Variants in TMEM132B observed in about 807,000 individuals in gnomAD.
TMEM132B encodes transmembrane protein 132B.
A neutral mutation model predicts 90.8 loss-of-function variants in TMEM132B; 18 were observed. That is an observed-to-expected ratio of 0.20 (90% CI 0.14 to 0.29). The LOEUF is 0.29. TMEM132B is among the 10% of genes least tolerant of loss of function. The probability of loss-of-function intolerance (pLI) is 1.00; values close to 1 mark genes in which losing one functional copy is unlikely to be tolerated. For synonymous variants in TMEM132B, 504 were observed against 523.3 expected, an observed-to-expected ratio of 0.96 and a Z score of 0.50; for missense variants, 1,096 against 1,326.8, an observed-to-expected ratio of 0.83 and a Z score of 2.70.
In TMEM132B at chr12:125,616,024, G is replaced by A. The variant is rs543353469; in HGVS notation, c.1438-28052G>A. Among the ~76,000 whole-genome samples the A allele has an allele frequency of 1.0e-3, 154 of 152,096 alleles. 1 individual carries two copies. The highest frequency in any genetic ancestry group is 4.2e-3 in the South Asian group (20 of 4,814). On this transcript the variant is annotated intron_variant, in intron 5 of 8. Coordinates refer to ENST00000682704, the MANE Select transcript of TMEM132B (RefSeq NM_001366854.1). ...ACATATGTATACATGTGCCATGCTGGTGTGCTGCATCCATTAACTCGTCAT... is the reference window on the plus strand; with the variant it reads ...ACATATGTATACATGTGCCATGCTGATGTGCTGCATCCATTAACTCGTCAT...
chr12:125,246,109 C>CA lies in TMEM132B; in HGVS notation c.67+59243_67+59244insA. 6.6e-6 allele frequency among the ~76,000 whole-genome samples: 1 copy of CA among 152,352 alleles called. No individual in the cohort carries two copies. The highest frequency in any genetic ancestry group is 1.5e-5 in the Non-Finnish European group (1 of 68,034). ...TGATCTGGGCCCTGGCAGTGACTGGCGCTGCCTCTCCAGTGATCCAGTGAT... is the reference window on the plus strand; with the variant it reads ...TGATCTGGGCCCTGGCAGTGACTGGCAGCTGCCTCTCCAGTGATCCAGTGAT... On this transcript the variant is annotated intron_variant, in intron 1 of 8. Coordinates refer to ENST00000682704, the MANE Select transcript of TMEM132B (RefSeq NM_001366854.1). This position sits in a 1 kb window ranked among gnomAD's most constrained non-coding sequence, Gnocchi z 4.2.
At chr12:125,224,631 G>A (rs150239905) in intron 1 of TMEM132B, among the ~76,000 whole-genome samples, 16 of 152,316 alleles carry the variant, frequency 1.1e-4, no homozygotes, top group African/African-American at 3.8e-4. Context: ...CACTTCTGAG[G>A]GCAGCTGCTC....
intron 1 of TMEM132B, among the ~76,000 whole-genome samples, chr12:125,235,536 G>A (rs1453068642): frequency 1.3e-5 from 2 of 151,170 alleles, no homozygotes; most frequent in Admixed American, 6.6e-5. Context: ...CATTCACAAC[G>A]TTGTGCAACC....
chr12:125,357,259 T>C (rs1423383134), intron 2 of TMEM132B, among the ~76,000 whole-genome samples: 1 of 152,218 alleles, frequency 6.6e-6, no homozygotes, highest in African/African-American at 2.4e-5. Flanking sequence ...AGTTTCCTCC[T>C]ACCTGTAATG....
At chr12:125,381,001 C>G (rs914719777) in intron 2 of TMEM132B, among the ~76,000 whole-genome samples, 1 of 152,152 alleles carries the variant, frequency 6.6e-6, no homozygotes, top group East Asian at 1.9e-4. Context: ...TTGCTTCTGT[C>G]CTGGTCAGAT....
At chr12:125,556,276 C>T (rs969585946) in intron 4 of TMEM132B, among the ~76,000 whole-genome samples, 7 of 152,172 alleles carry the variant, frequency 4.6e-5, no homozygotes, top group African/African-American at 7.2e-5. Flanking sequence ...CTGACCTGAA[C>T]GTCACAAAGC....
chr12:125,289,800 C>T (rs1357923818), intron 1 of TMEM132B, among the ~76,000 whole-genome samples: 1 of 152,186 alleles, frequency 6.6e-6, no homozygotes, highest in African/African-American at 2.4e-5. Flanking sequence ...CAAGTGGCTC[C>T]AGGGTGCATG....
chr12:125,543,698 A>T (rs1464101429), intron 4 of TMEM132B, among the ~76,000 whole-genome samples: 1 of 152,234 alleles, frequency 6.6e-6, no homozygotes, highest in Non-Finnish European at 1.5e-5. Flanking sequence ...GATTATAAAC[A>T]TCAGATGCTG....
intron 5 of TMEM132B, among the ~76,000 whole-genome samples, chr12:125,629,112 G>A (rs553874619): frequency 4.6e-5 from 7 of 152,032 alleles, no homozygotes; most frequent in Non-Finnish European, 1.0e-4. Flanking sequence ...TCTTTGCTTA[G>A]GATAGCTTTG....
At chr12:125,574,325 C>G (rs557700452) in intron 4 of TMEM132B, among the ~76,000 whole-genome samples, 1 of 152,112 alleles carries the variant, frequency 6.6e-6, no homozygotes, top group Admixed American at 6.6e-5. Context: ...TATTATTATT[C>G]TTTTCTCTCA....
chr12:125,415,571 G>A lies in TMEM132B; in HGVS notation c.1000G>A (p.Val334Ile). The change falls in exon 3 of 9, where the codon GTC becomes ATC. Residue 334 changes from valine to isoleucine, a missense_variant. Val to Ile is a conservative substitution (Grantham distance 29, BLOSUM62 3). Coordinates refer to ENST00000682704, the MANE Select transcript of TMEM132B (RefSeq NM_001366854.1). The surrounding 1 kb of genome is among the most constrained non-coding windows in gnomAD (Gnocchi z 5.3). ...AGGTGTGAAGATAACGGCAGTGAGA[G>A]TCAGCAGTGAGGACCAATGGGCAGT... Reference protein sequence around the residue: ...AAGVKITAVRVSSEDQWAVQE... With the variant: ...AAGVKITAVRISSEDQWAVQE... The A allele has an allele frequency of 2.5e-6, 4 of 1,614,232 alleles. No homozygotes were observed. The highest frequency in any genetic ancestry group is 1.1e-5 in the South Asian group (1 of 91,084).
intron 4 of TMEM132B, among the ~76,000 whole-genome samples, chr12:125,556,241 A>G (rs1592991292): frequency 2.6e-5 from 4 of 152,282 alleles, no homozygotes; most frequent in African/African-American, 7.2e-5. Context: ...CTAATGTCCA[A>G]TTGGTCCCAA....
At chr12:125,536,810 T>C (rs1883810777) in intron 4 of TMEM132B, among the ~76,000 whole-genome samples, 1 of 151,900 alleles carries the variant, frequency 6.6e-6, no homozygotes, top group African/African-American at 2.4e-5. Context: ...ACATGGCAAA[T>C]AGGGCTTTGC....
intron 6 of TMEM132B, among the ~76,000 whole-genome samples, chr12:125,648,392 C>A (rs1050701650): frequency 3.3e-5 from 5 of 152,088 alleles, no homozygotes; most frequent in Admixed American, 2.6e-4. Context: ...GCTTTGGTAT[C>A]ATTAGACTGT....
chr12:125,491,895 A>G (rs986494786), intron 3 of TMEM132B, among the ~76,000 whole-genome samples: 1 of 152,228 alleles, frequency 6.6e-6, no homozygotes, highest in African/African-American at 2.4e-5. Flanking sequence ...AATAAACACA[A>G]TATTTAAACT....
chr12:125,589,281 G>C (rs1041482339), intron 5 of TMEM132B, among the ~76,000 whole-genome samples: 1 of 151,968 alleles, frequency 6.6e-6, no homozygotes, highest in Admixed American at 6.5e-5. Flanking sequence ...AGGAGATCGA[G>C]ACCATCCTGG....
At chr12:125,199,674 T>A (rs756728327) in intron 1 of TMEM132B, among the ~76,000 whole-genome samples, 10 of 152,206 alleles carry the variant, frequency 6.6e-5, no homozygotes, top group Non-Finnish European at 1.5e-4. Context: ...TTAAGTTGAA[T>A]CTGTTCCATG....
At chr12:125,538,918 A>T (rs1883882696) in intron 4 of TMEM132B, among the ~76,000 whole-genome samples, 1 of 152,038 alleles carries the variant, frequency 6.6e-6, no homozygotes, top group African/African-American at 2.4e-5. Context: ...AAGTCCTAGG[A>T]TCTGTAATCT....
chr12:125,554,427 TA>T (rs71447048), intron 4 of TMEM132B, among the ~76,000 whole-genome samples: 5,539 of 69,468 alleles, frequency 0.08, 131 homozygotes, highest in Non-Finnish European at 0.1. Context: ...TCCATTTCAT[TA>T]AAAAAAAAAA....
Sources: gnomAD v4.1 joint callset for allele counts (sites outside exome capture counted in the v4.1 genomes callset) on GRCh38, gnomAD v4.1.1 for gene constraint, Gnocchi (gnomAD v3.1) non-coding constraint, MANE v1.5 for transcripts, NCBI Gene and HGNC (gene_info 2026-07-23, HGNC 2026-07-21) for gene names.